Variants in UBE2L3 observed in about 807,000 individuals in gnomAD.
The protein encoded by UBE2L3 is ubiquitin conjugating enzyme E2 L3.
A neutral mutation model predicts 17.8 loss-of-function variants in UBE2L3; 1 was observed. The observed-to-expected ratio is 0.06, with a 90% CI of 0.02 to 0.27. UBE2L3 has a LOEUF of 0.27. Ranked by LOEUF, UBE2L3 falls within the 10% of genes least tolerant of loss-of-function variation. The pLI is 1.00. For missense variants in UBE2L3, 40 were observed against 192.6 expected (o/e 0.21, Z 4.69); for synonymous variants, 44 against 68.5 (o/e 0.64, Z 1.76).
intron 3 of UBE2L3, chr22:21,614,582 T>G: frequency 7.3e-7 from 1 of 1,367,608 alleles, no homozygotes; most frequent in African/African-American, 1.5e-5. Context: ...CAATTATGGC[T>G]TCTCTCAGAT....
intron 2 of UBE2L3, among the ~76,000 whole-genome samples, chr22:21,601,304 T>C (rs1411162531): frequency 6.6e-6 from 1 of 151,840 alleles, no homozygotes; most frequent in Non-Finnish European, 1.5e-5. Context: ...AACTTAACTC[T>C]TTTGGGTTTT....
Position 21,614,908 on chromosome 22 carries a change from C to T in UBE2L3, c.310+3865C>T, listed in dbSNP as rs528380098. On this transcript the variant is annotated intron_variant, in intron 3 of 3. Coordinates refer to ENST00000342192, the MANE Select transcript of UBE2L3 (RefSeq NM_003347.4). ...GTGGCTCACGCCTGTAATCCCAGCA[C>T]TTTGGGAGGCTGAGGCGGGTGGATC... Among the ~76,000 whole-genome samples the T allele has an allele frequency of 2.0e-5, 3 of 152,158 alleles. No homozygotes were observed. In the South Asian group the frequency reaches 6.2e-4, roughly 32 times the overall value.
intron 1 of UBE2L3, among the ~76,000 whole-genome samples, chr22:21,575,423 A>G (rs1166772224): frequency 7.0e-6 from 1 of 143,812 alleles, no homozygotes; most frequent in African/African-American, 2.5e-5. Flanking sequence ...AAAAAAAAAA[A>G]AAAAAAAATA....
intron 1 of UBE2L3, among the ~76,000 whole-genome samples, chr22:21,555,789 A>G (rs112606750): frequency 4.6e-3 from 690 of 148,480 alleles, no homozygotes; most frequent in African/African-American, 0.016. Flanking sequence ...AAAATTAGCC[A>G]GGCATGGTGG....
At chr22:21,602,810 TTCC>T (rs1928935022) in intron 2 of UBE2L3, among the ~76,000 whole-genome samples, 1 of 152,218 alleles carries the variant, frequency 6.6e-6, no homozygotes, top group Non-Finnish European at 1.5e-5. Flanking sequence ...AAAGGGCCAG[TTCC>T]CCTCGTCCCC....
At chr22:21,596,565 C>G (rs1928536179) in intron 2 of UBE2L3, among the ~76,000 whole-genome samples, 1 of 151,998 alleles carries the variant, frequency 6.6e-6, no homozygotes, top group South Asian at 2.1e-4. Context: ...GAGACAGAGC[C>G]TTGCTCTGTT....
In UBE2L3 at chr22:21,611,089, G is replaced by T. The variant is rs144878876; in HGVS notation, c.310+46G>T. 7,540 of 1,529,572 alleles carry T rather than the reference G, an allele frequency of 4.9e-3. 681 individuals carry two copies. In the Admixed American group the frequency reaches 0.15, roughly 30 times the overall value. The allele number at this position is 1,529,572 out of a possible 1,614,324, so 94.8% of individuals were successfully genotyped here. ...TTCCTCGGAGGGGGTCTTTGGGGGT[G>T]CTGCTCTGGGGTGGGGGCTTCTGGT... On this transcript the variant is annotated intron_variant, in intron 3 of 3. Coordinates refer to ENST00000342192, the MANE Select transcript of UBE2L3 (RefSeq NM_003347.4).
chr22:21,561,699 C>T (rs1308866782), intron 1 of UBE2L3, among the ~76,000 whole-genome samples: 2 of 152,260 alleles, frequency 1.3e-5, no homozygotes, highest in African/African-American at 2.4e-5. Context: ...GGCAAAGGCA[C>T]CACAGGCAGA....
chr22:21,617,252 G>A (rs1435700062), intron 3 of UBE2L3, among the ~76,000 whole-genome samples: 2 of 151,662 alleles, frequency 1.3e-5, no homozygotes, highest in Admixed American at 6.6e-5. Flanking sequence ...CTAATTTGTT[G>A]TGTGGGTTTT....
intron 2 of UBE2L3, among the ~76,000 whole-genome samples, chr22:21,602,245 G>T (rs1278454193): frequency 1.3e-5 from 2 of 152,200 alleles, no homozygotes; most frequent in Non-Finnish European, 2.9e-5. Context: ...CTGAAGCCTG[G>T]CATGAAGAAG....
chr22:21,582,863 T>A (rs1272494059), intron 1 of UBE2L3, among the ~76,000 whole-genome samples: 1 of 152,122 alleles, frequency 6.6e-6, no homozygotes, highest in Admixed American at 6.6e-5. Context: ...GGGTTGCACA[T>A]CACAGTCATC....
At chr22:21,574,541 G>A (rs143915176) in intron 1 of UBE2L3, among the ~76,000 whole-genome samples, 74 of 152,240 alleles carry the variant, frequency 4.9e-4, no homozygotes, top group African/African-American at 1.8e-3. Flanking sequence ...AGGTGTTTTC[G>A]GGACAGGTTG....
Position 21,621,974 on chromosome 22 carries a change from T to A in UBE2L3, c.*305T>A. The A allele has an allele frequency of 3.3e-6, 1 of 301,550 alleles. No homozygotes were observed. The highest frequency in any genetic ancestry group is 1.0e-3 in the Middle Eastern group (1 of 992). The allele number at this position is 301,550 out of a possible 1,614,324, so 18.7% of individuals were successfully genotyped here. ...TTATCCAAAATCTTCAAGTTACATT[T>A]AACCCATAAGGTTTAAAAAAAAGGA... On this transcript the variant is annotated 3_prime_UTR_variant, in exon 4 of 4. Transcript: ENST00000342192.
chr22:21,564,282 C>G (rs1926557789), upstream of UBE2L3, among the ~76,000 whole-genome samples: 1 of 152,126 alleles, frequency 6.6e-6, no homozygotes, highest in South Asian at 2.1e-4. Flanking sequence ...AATCCTCCTG[C>G]CTTGGCCTCC....
intron 3 of UBE2L3, among the ~76,000 whole-genome samples, chr22:21,617,962 A>G (rs1051744880): frequency 2.0e-5 from 3 of 151,946 alleles, no homozygotes; most frequent in African/African-American, 7.2e-5. Context: ...TGGGTGGATC[A>G]TGAGGTCAGG....
At chr22:21,620,622 G>A (rs747383916) in intron 3 of UBE2L3, among the ~76,000 whole-genome samples, 1 of 152,078 alleles carries the variant, frequency 6.6e-6, no homozygotes, top group East Asian at 1.9e-4. Context: ...TCTGGGCTAC[G>A]GCACCTAGGG....
chr22:21,594,739 C>G (rs1287169924), intron 2 of UBE2L3, among the ~76,000 whole-genome samples: 1 of 152,036 alleles, frequency 6.6e-6, no homozygotes, highest in Non-Finnish European at 1.5e-5. Context: ...GCAGAGACAC[C>G]TCTGCATGGG....
intron 1 of UBE2L3, among the ~76,000 whole-genome samples, chr22:21,574,216 A>G (rs1380556986): frequency 6.6e-6 from 1 of 152,180 alleles, no homozygotes; most frequent in East Asian, 1.9e-4. Flanking sequence ...TGCTCAGAGC[A>G]AAGCTGTTTA....
At chr22:21,594,843 G>A (rs940995072) in intron 2 of UBE2L3, among the ~76,000 whole-genome samples, 1 of 152,278 alleles carries the variant, frequency 6.6e-6, no homozygotes, top group African/African-American at 2.4e-5. Flanking sequence ...AATTGAGATT[G>A]TGTAGTCTAC....
Sources: allele counts gnomAD v4.1 joint callset (sites outside exome capture counted in the v4.1 genomes callset), GRCh38; gene constraint gnomAD v4.1.1; transcripts MANE v1.5; gene names NCBI Gene and HGNC (gene_info 2026-07-23, HGNC 2026-07-21).